Variants in UBAC2 observed in about 807,000 individuals in gnomAD.
The protein encoded by UBAC2 is UBA domain containing 2, also known as ubiquitin-associated domain-containing protein 2.
In UBAC2, 26 loss-of-function variants were observed where a neutral mutation model predicts 44.0. The observed-to-expected ratio is 0.59, with a 90% CI of 0.43 to 0.82. The LOEUF is 0.82. UBAC2 is among the 40% of genes least tolerant of loss of function. UBAC2 has a pLI of 0.00. For synonymous variants in UBAC2, 155 were observed against 154.3 expected, an observed-to-expected ratio of 1.00 and a Z score of -0.04; for missense variants, 329 against 419.4, an observed-to-expected ratio of 0.78 and a Z score of 1.88.
At chr13:99,282,150 A>G (rs2043962151) in intron 4 of UBAC2, among the ~76,000 whole-genome samples, 1 of 152,192 alleles carries the variant, frequency 6.6e-6, no homozygotes, top group Admixed American at 6.5e-5. Context: ...GTATGCTGTT[A>G]GCAAAACCTC....
intron 7 of UBAC2, among the ~76,000 whole-genome samples, chr13:99,364,295 T>C (rs2045303050): frequency 6.6e-6 from 1 of 151,102 alleles, no homozygotes; most frequent in Non-Finnish European, 1.5e-5. Context: ...CTTCAAACTG[T>C]TAATGTGTGG....
chr13:99,358,029 A>AGC (rs992397578), intron 7 of UBAC2, among the ~76,000 whole-genome samples: 5 of 152,214 alleles, frequency 3.3e-5, no homozygotes, highest in Non-Finnish European at 5.9e-5. Flanking sequence ...CAGGCCGGTT[A>AGC]GCCTGCAAGT....
chr13:99,313,665 G>T (rs930845371), intron 4 of UBAC2, among the ~76,000 whole-genome samples: 5 of 152,130 alleles, frequency 3.3e-5, no homozygotes, highest in Non-Finnish European at 1.5e-5. Flanking sequence ...GTGAGGAAGG[G>T]AGGGCCAGAG....
intron 5 of UBAC2, among the ~76,000 whole-genome samples, chr13:99,317,808 A>G (rs903735668): frequency 6.6e-6 from 1 of 152,196 alleles, no homozygotes; most frequent in Non-Finnish European, 1.5e-5. Context: ...GTTTTAGGCT[A>G]TACAAAGTCT....
chr13:99,244,481 ATC>A (rs2043357587), intron 3 of UBAC2, 32 bp from the exon 4 acceptor site: 2 of 1,436,484 alleles, frequency 1.4e-6, no homozygotes, highest in Non-Finnish European at 2.0e-6. Flanking sequence ...TAGGAGACTC[ATC>A]TCTATCATTT....
chr13:99,358,168 A>G (rs2045215287), intron 7 of UBAC2, among the ~76,000 whole-genome samples: 1 of 152,214 alleles, frequency 6.6e-6, no homozygotes, highest in South Asian at 2.1e-4. Context: ...GTTGTGAGAA[A>G]GTGACTCCAG....
chr13:99,233,979 A>C (rs2043205097), intron 1 of UBAC2, among the ~76,000 whole-genome samples: 1 of 151,874 alleles, frequency 6.6e-6, no homozygotes, highest in Non-Finnish European at 1.5e-5. Flanking sequence ...TTTTATTATT[A>C]TTATTATTCT....
intron 2 of UBAC2, among the ~76,000 whole-genome samples, chr13:99,239,240 T>G (rs1449491703): frequency 6.6e-6 from 1 of 152,242 alleles, no homozygotes; most frequent in East Asian, 1.9e-4. Flanking sequence ...TCAGATTGGC[T>G]TCACCAACTT....
chr13:99,266,503 G>T (rs2043745989), intron 4 of UBAC2, among the ~76,000 whole-genome samples: 1 of 152,172 alleles, frequency 6.6e-6, no homozygotes, highest in Non-Finnish European at 1.5e-5. Context: ...ATTTTGGCTT[G>T]TAGACCATTT....
At chr13:99,264,484 G>T (rs146024590) in intron 4 of UBAC2, among the ~76,000 whole-genome samples, 7 of 152,288 alleles carry the variant, frequency 4.6e-5, no homozygotes, top group African/African-American at 1.7e-4. Flanking sequence ...TAGTTCTCTT[G>T]GCTTCGTTTG....
intron 1 of UBAC2, among the ~76,000 whole-genome samples, chr13:99,204,175 C>T (rs1169991801): frequency 6.6e-6 from 1 of 152,154 alleles, no homozygotes; most frequent in African/African-American, 2.4e-5. Context: ...ATAGTTCCCA[C>T]CCTCAAGGAG....
chr13:99,223,873 A>C (rs1349173376), intron 1 of UBAC2, among the ~76,000 whole-genome samples: 1 of 151,852 alleles, frequency 6.6e-6, no homozygotes, highest in African/African-American at 2.4e-5. Context: ...ATTCCTTTAA[A>C]TTTTTTTGAG....
chr13:99,243,991 A>G, intron 3 of UBAC2, 40 bp downstream of exon 3: 1 of 1,465,450 alleles, frequency 6.8e-7, no homozygotes, highest in East Asian at 2.6e-5. Context: ...CTTAGGCTGT[A>G]GAAAAAAATT....
At chr13:99,262,170 C>T (rs771698443) in intron 4 of UBAC2, among the ~76,000 whole-genome samples, 26 of 152,180 alleles carry the variant, frequency 1.7e-4, no homozygotes, top group Admixed American at 5.2e-4. Flanking sequence ...TGTCACAGTG[C>T]TTGTGTTCCA....
intron 4 of UBAC2, among the ~76,000 whole-genome samples, chr13:99,260,280 A>G (rs3809367): frequency 0.095 from 14,444 of 152,252 alleles, 752 homozygotes; most frequent in East Asian, 0.13. Flanking sequence ...TTGTTACTGC[A>G]TATTTACTTG....
chr13:99,248,133 C>G (rs1322056976), intron 4 of UBAC2, among the ~76,000 whole-genome samples: 1 of 152,200 alleles, frequency 6.6e-6, no homozygotes, highest in African/African-American at 2.4e-5. Flanking sequence ...TTGATTTCAA[C>G]TACAGTGAAC....
At position 99,367,923 on chromosome 13, in the gene UBAC2, A is replaced by G; in HGVS notation, c.927+17A>G. ...GAGGAACAGGTAATTAATCAGTAAT[A>G]CCTGGTACTCATTCTAAATCCATGT... On this transcript the variant is annotated intron_variant, in intron 8 of 8. Coordinates refer to ENST00000403766, the MANE Select transcript of UBAC2 (RefSeq NM_001144072.2). 6.2e-7 allele frequency: 1 copy of G among 1,607,034 alleles called. No individual in the cohort carries two copies. Among genetic ancestry groups the G allele is most frequent in the East Asian group, 2.2e-5 (1 of 44,808 alleles).
chr13:99,232,618 G>C (rs2043188811), intron 1 of UBAC2, among the ~76,000 whole-genome samples: 1 of 151,966 alleles, frequency 6.6e-6, no homozygotes. Flanking sequence ...GAAATGCAAA[G>C]TCCTTAGGAA....
At chr13:99,216,287 T>G (rs1219376798) in intron 1 of UBAC2, among the ~76,000 whole-genome samples, 7 of 152,154 alleles carry the variant, frequency 4.6e-5, no homozygotes, top group Non-Finnish European at 8.8e-5. Flanking sequence ...GTATTTTTAG[T>G]AGAAACAGGT....
Sources: gnomAD v4.1 joint callset for allele counts (sites outside exome capture counted in the v4.1 genomes callset) on GRCh38, gnomAD v4.1.1 for gene constraint, MANE v1.5 for transcripts, NCBI Gene and HGNC (gene_info 2026-07-23, HGNC 2026-07-21) for gene names.